DNAH9: variants seen among roughly 807,000 people sequenced by gnomAD.
DNAH9 encodes dynein axonemal heavy chain 9.
Under a neutral mutation model 471.6 loss-of-function variants are expected in DNAH9, and 345 were observed. The ratio of observed to expected loss-of-function variants is 0.73; its 90% CI spans 0.67 to 0.80. The LOEUF (loss-of-function observed/expected upper bound fraction) is 0.80, where lower values mean the gene tolerates loss of function less well. Among genes scored for constraint, DNAH9 ranks in the 30% least tolerant of loss-of-function variants. The probability of loss-of-function intolerance (pLI) is 0.00; values close to 1 mark genes in which losing one functional copy is unlikely to be tolerated. For missense variants in DNAH9, 5,407 were observed against 5,609.2 expected, an observed-to-expected ratio of 0.96 and a Z score of 1.15; for synonymous variants, 2,093 against 2,123.6, an observed-to-expected ratio of 0.99 and a Z score of 0.40.
intron 3 of DNAH9, 145 bp from the exon 4 acceptor site, chr17:11,611,505 G>T (rs2150641864): frequency 1.2e-6 from 1 of 801,820 alleles, no homozygotes; most frequent in Admixed American, 2.4e-5. Context: ...GGGAACAGAT[G>T]TCCAGGCTCT....
At chr17:11,941,360 G>C (rs1974901678) in intron 66 of DNAH9, among the ~76,000 whole-genome samples, 1 of 152,118 alleles carries the variant, frequency 6.6e-6, no homozygotes, top group Admixed American at 6.6e-5. Context: ...GTCCCAACCT[G>C]CTGGCTGTGT....
intron 24 of DNAH9, among the ~76,000 whole-genome samples, chr17:11,702,871 T>A (rs893735367): frequency 2.0e-5 from 3 of 151,830 alleles, no homozygotes; most frequent in Non-Finnish European, 4.4e-5. Flanking sequence ...GGTGGGTGGA[T>A]CACGAGGTCA....
intron 50 of DNAH9, among the ~76,000 whole-genome samples, chr17:11,868,250 C>G (rs1460855692): frequency 6.6e-6 from 1 of 152,136 alleles, no homozygotes; most frequent in African/African-American, 2.4e-5. Flanking sequence ...GATGGCCCAC[C>G]ACCTGCTTTT....
At chr17:11,802,121 C>T (rs182016803) in intron 43 of DNAH9, among the ~76,000 whole-genome samples, 21 of 152,294 alleles carry the variant, frequency 1.4e-4, no homozygotes, top group African/African-American at 4.1e-4. Flanking sequence ...ACTTTATCCT[C>T]GCTCTGCCAT....
intron 2 of DNAH9, among the ~76,000 whole-genome samples, chr17:11,609,063 A>G (rs1037627357): frequency 2.0e-5 from 3 of 152,156 alleles, no homozygotes; most frequent in Non-Finnish European, 4.4e-5. Context: ...CAGCATCTCT[A>G]TGTGCTTGTG....
chr17:11,646,577 G>A (rs1207640597), intron 11 of DNAH9, among the ~76,000 whole-genome samples: 1 of 152,140 alleles, frequency 6.6e-6, no homozygotes, highest in Non-Finnish European at 1.5e-5. Flanking sequence ...ATCTCATGGG[G>A]TCTTTCTCCT....
chr17:11,822,389 G>A, intron 46 of DNAH9, 49 bp from the exon 47 acceptor site: 1 of 1,608,058 alleles, frequency 6.2e-7, no homozygotes. Context: ...CTCTCCGTGA[G>A]TATTTCTCTG....
Position 11,934,049 on chromosome 17 carries a change from T to C in DNAH9, c.12467T>C (p.Met4156Thr). The change falls in exon 65 of 69, where the codon ATG (methionine) becomes ACG (threonine). Residue 4156 changes from methionine (M) to threonine (T), a missense_variant. This residue lies in a region of DNAH9 where 4,636 missense variants were observed against 4,900.3 expected (regional missense o/e 0.95). Coordinates refer to ENST00000262442, the MANE Select transcript of DNAH9 (RefSeq NM_001372.4). ...LAPGFPLPGN[M>T]DYNGYHQYID... ...CCAGGGTTCCCACTCCCAGGCAACA[T>C]GGACTACAATGGTTATCATCAGGTG... 1.9e-6 allele frequency: 3 copies of C among 1,613,892 alleles called. No individual in the cohort carries two copies. The highest frequency in any genetic ancestry group is 2.5e-6 in the Non-Finnish European group (3 of 1,179,860).
chr17:11,647,306 C>T, intron 12 of DNAH9, 108 bp downstream of exon 12: 1 of 1,168,458 alleles, frequency 8.6e-7, no homozygotes, highest in Non-Finnish European at 1.2e-6. Flanking sequence ...GAGTTTCACT[C>T]TTGTCGCCCA....
At chr17:11,811,326 AAAAAG>A (rs1276161986) in intron 45 of DNAH9, among the ~76,000 whole-genome samples, 1 of 152,116 alleles carries the variant, frequency 6.6e-6, no homozygotes, top group Non-Finnish European at 1.5e-5. Flanking sequence ...TTAAAAAAAA[AAAAAG>A]AAAAAGGTTA....
At chr17:11,922,223 T>G (rs62061973) in intron 61 of DNAH9, among the ~76,000 whole-genome samples, 28,730 of 152,206 alleles carry the variant, frequency 0.19, 2,815 homozygotes, top group East Asian at 0.28. Flanking sequence ...ATATTCAATA[T>G]GAACACTTGT....
chr17:11,759,358 T>C (rs1195721513), intron 35 of DNAH9, among the ~76,000 whole-genome samples: 1 of 152,052 alleles, frequency 6.6e-6, no homozygotes, highest in Admixed American at 6.6e-5. Flanking sequence ...CTCCCACTTA[T>C]AAGTGAGAAC....
intron 48 of DNAH9, among the ~76,000 whole-genome samples, chr17:11,824,871 CCTT>C (rs1469282651): frequency 1.3e-5 from 2 of 151,288 alleles, no homozygotes; most frequent in Non-Finnish European, 3.0e-5. Flanking sequence ...ACTGTCTTCT[CCTT>C]CTCCTTCTCC....
Position 11,617,759 on chromosome 17 carries a change from A to G in DNAH9, c.1116+137A>G, listed in dbSNP as rs1354884666. On this transcript the variant is annotated intron_variant, in intron 5 of 68. Coordinates refer to ENST00000262442, the MANE Select transcript of DNAH9 (RefSeq NM_001372.4). The stretch of plus-strand genomic sequence containing the variant: ...CAAAGAGTTCTTACACTTGAATTAC[A>G]GTATTTTACTCTCAGAAGCCAATAA... The G allele has an allele frequency of 1.2e-5, 8 of 645,282 alleles. No individual in the cohort carries two copies. In the South Asian group the frequency reaches 1.5e-4, roughly 12 times the overall value. The allele number at this position is 645,282 out of a possible 1,614,324, so 40.0% of individuals were successfully genotyped here. A position where few individuals can be genotyped will look rare whatever the true frequency, so the allele number is the denominator to read the frequency against.
intron 67 of DNAH9, among the ~76,000 whole-genome samples, chr17:11,955,315 T>C (rs1975581600): frequency 6.6e-6 from 1 of 152,156 alleles, no homozygotes; most frequent in Admixed American, 6.5e-5. Context: ...GTAATATTTA[T>C]TTACTATTTG....
In DNAH9 at chr17:11,718,388, A is replaced by T. The variant is rs112516115; in HGVS notation, c.5553-946A>T. Reference sequence around the variant, plus strand: ...GCTGTTATGAATACTGTTGCTATGAACAAGGGCTACGAACAGGTAGATATT... The same window carrying T: ...GCTGTTATGAATACTGTTGCTATGATCAAGGGCTACGAACAGGTAGATATT... On this transcript the variant is annotated intron_variant, in intron 26 of 68. Coordinates refer to ENST00000262442, the MANE Select transcript of DNAH9 (RefSeq NM_001372.4). Among the ~76,000 whole-genome samples the T allele has an allele frequency of 3.3e-5, 5 of 152,378 alleles. 1 individual carries two copies. The highest frequency in any genetic ancestry group is 1.2e-4 in the African/African-American group (5 of 41,598).
intron 10 of DNAH9, among the ~76,000 whole-genome samples, chr17:11,641,093 A>G (rs2073262381): frequency 6.6e-6 from 1 of 152,140 alleles, no homozygotes. Flanking sequence ...ACACAACAGA[A>G]GGAAAAGAAT....
intron 36 of DNAH9, among the ~76,000 whole-genome samples, chr17:11,767,308 C>T (rs969119663): frequency 2.0e-5 from 3 of 152,124 alleles, no homozygotes; most frequent in African/African-American, 7.2e-5. Flanking sequence ...ATGGGGGTTT[C>T]CTCTAGGCTT....
At chr17:11,855,016 T>C (rs1273577059) in intron 50 of DNAH9, among the ~76,000 whole-genome samples, 1 of 152,202 alleles carries the variant, frequency 6.6e-6, no homozygotes, top group East Asian at 1.9e-4. Context: ...TTCACACCTA[T>C]TTGGGAGATT....
Sources: gnomAD v4.1 joint callset for allele counts (sites outside exome capture counted in the v4.1 genomes callset) on GRCh38, gnomAD v4.1.1 for gene constraint, gnomAD v4.1.1 regional missense constraint, MANE v1.5 for transcripts, NCBI Gene and HGNC (gene_info 2026-07-23, HGNC 2026-07-21) for gene names.